The following UBE2F variants were observed in gnomAD, a reference collection of about 807,000 sequenced individuals.
UBE2F encodes NEDD8-conjugating enzyme UBE2F.
UBE2F carries 5 observed loss-of-function variants against 29.6 expected under a neutral mutation model. The observed-to-expected ratio is 0.17, with a 90% CI of 0.09 to 0.36. The LOEUF is 0.36. Among genes scored for constraint, UBE2F ranks in the 10% least tolerant of loss-of-function variants. UBE2F has a pLI of 1.00. For missense variants in UBE2F, 141 were observed against 228.5 expected (o/e 0.62, Z 2.47); for synonymous variants, 66 against 81.8 (o/e 0.81, Z 1.04).
chr2:238,003,459 T>C (rs2106365696), intron 4 of UBE2F: 1 of 468,944 alleles, frequency 2.1e-6, no homozygotes, highest in South Asian at 1.6e-5. Flanking sequence ...TGTTCTCACA[T>C]TGGTCTGTCC....
chr2:238,027,270 G>A (rs145784532), intron 6 of UBE2F, among the ~76,000 whole-genome samples: 2 of 152,358 alleles, frequency 1.3e-5, no homozygotes, highest in African/African-American at 2.4e-5. Flanking sequence ...TCCTTGGTAT[G>A]TAAATAGTCC....
chr2:238,037,468 T>C (rs2064738761), intron 9 of UBE2F, among the ~76,000 whole-genome samples: 1 of 152,266 alleles, frequency 6.6e-6, no homozygotes, highest in African/African-American at 2.4e-5. Context: ...AGGCCATGTG[T>C]GGCTGGCGTC....
At chr2:238,018,184 G>T (rs2064206683) in intron 5 of UBE2F, among the ~76,000 whole-genome samples, 2 of 152,120 alleles carry the variant, frequency 1.3e-5, no homozygotes. Flanking sequence ...GTGGGAGGTG[G>T]TTCCAGAGGC....
intron 6 of UBE2F, 54 bp downstream of exon 6, chr2:238,025,466 T>C (rs1347478120): frequency 3.3e-6 from 5 of 1,495,358 alleles, no homozygotes; most frequent in Admixed American, 1.8e-5. Context: ...TGTGCAAGCG[T>C]TGGGCTTTTA....
At chr2:238,022,542 G>A (rs2064321181) in intron 5 of UBE2F, among the ~76,000 whole-genome samples, 1 of 152,066 alleles carries the variant, frequency 6.6e-6, no homozygotes, top group Admixed American at 6.6e-5. Context: ...TTCACTGCTT[G>A]AGTTTTGTAT....
At chr2:238,034,325 G>C (rs1016051999) in intron 8 of UBE2F, among the ~76,000 whole-genome samples, 2 of 152,002 alleles carry the variant, frequency 1.3e-5, no homozygotes, top group Non-Finnish European at 2.9e-5. Flanking sequence ...CTACTTGGCA[G>C]GCTGAGGCAG....
At chr2:237,990,510 T>G (rs976726433) in intron 3 of UBE2F, 1 of 390,484 alleles carries the variant, frequency 2.6e-6, no homozygotes, top group Non-Finnish European at 5.0e-6. Context: ...TCAAGTGATC[T>G]TCCCACCTCA....
intron 4 of UBE2F, 95 bp from the exon 5 acceptor site, chr2:238,016,471 C>T (rs2064155726): frequency 1.9e-6 from 2 of 1,053,462 alleles, no homozygotes; most frequent in Non-Finnish European, 2.8e-6. Flanking sequence ...TCCTGATTCT[C>T]TGTATTTGCC....
chr2:237,972,961 G>A (rs1371362563), intron 1 of UBE2F, 131 bp from the exon 2 acceptor site: 2 of 920,404 alleles, frequency 2.2e-6, no homozygotes, highest in South Asian at 1.8e-5. Context: ...TCTTATTAAT[G>A]TGTACAAATT....
At chr2:238,025,124 C>T in intron 5 of UBE2F, 1 of 547,620 alleles carries the variant, frequency 1.8e-6, no homozygotes. Context: ...GTAGACTTTG[C>T]TGCTGAGACT....
chr2:237,987,275 T>C (rs2063497653), intron 2 of UBE2F, among the ~76,000 whole-genome samples: 1 of 152,134 alleles, frequency 6.6e-6, no homozygotes, highest in African/African-American at 2.4e-5. Flanking sequence ...GGCAGGGCAG[T>C]CTTTAGGGCT....
intron 7 of UBE2F, among the ~76,000 whole-genome samples, chr2:238,031,115 G>A (rs1238029245): frequency 6.6e-6 from 1 of 152,262 alleles, no homozygotes; most frequent in Non-Finnish European, 1.5e-5. Flanking sequence ...ACTGCAGACT[G>A]CATGCAGTCC....
rs1485072123 is a variant in UBE2F, at chr2:237,967,682, A to T, written c.-17+550A>T. 6.6e-6 allele frequency among the ~76,000 whole-genome samples: 1 copy of T among 152,200 alleles called. No homozygotes were observed. The highest frequency in any genetic ancestry group is 2.1e-4 in the South Asian group (1 of 4,830). ...ACTCGCGCCCGGTCCTCGTACCTGCAGCGGGAAGAGTAAGTATGGACGCTT... is the reference window on the plus strand; with the variant it reads ...ACTCGCGCCCGGTCCTCGTACCTGCTGCGGGAAGAGTAAGTATGGACGCTT... On this transcript the variant is annotated intron_variant, in intron 1 of 9. Coordinates refer to ENST00000272930, the MANE Select transcript of UBE2F (RefSeq NM_080678.3). The surrounding 1 kb of genome is among the most constrained non-coding windows in gnomAD (Gnocchi z 6.3).
intron 1 of UBE2F, chr2:237,968,731 A>G (rs2063111722): frequency 2.1e-6 from 1 of 481,870 alleles, no homozygotes; most frequent in Non-Finnish European, 2.7e-6. Flanking sequence ...GAGGAACCTA[A>G]CTGGGCCAAT....
intron 2 of UBE2F, among the ~76,000 whole-genome samples, chr2:237,986,696 A>G (rs1576598610): frequency 1.3e-5 from 2 of 152,318 alleles, no homozygotes; most frequent in Middle Eastern, 3.4e-3. Context: ...CATGTATGGT[A>G]TAAGATAAGA....
chr2:237,990,552 G>A (rs926046478), intron 3 of UBE2F: 78 of 242,072 alleles, frequency 3.2e-4, no homozygotes, highest in Non-Finnish European at 6.7e-5. Flanking sequence ...TCAGACCTCA[G>A]GTGCATGCTA....
chr2:238,004,857 C>G (rs377702497), intron 4 of UBE2F, among the ~76,000 whole-genome samples: 14 of 152,272 alleles, frequency 9.2e-5, no homozygotes, highest in South Asian at 4.2e-4. Context: ...GCAGGTGAGG[C>G]ACTGGCAGAA....
In UBE2F at chr2:237,996,583, C is replaced by A. The variant is rs575933861; in HGVS notation, c.214+1774C>A. Among the ~76,000 whole-genome samples, 24 of 151,214 alleles carry A rather than the reference C, an allele frequency of 1.6e-4. No individual in the cohort carries two copies. In the South Asian group the frequency reaches 5.1e-3, roughly 32 times the overall value. ...CTTCGCCTTCCGGGTTCAAGTGATT[C>A]TCCTGCCTCAGCCTCCTGAGTAGCT... On this transcript the variant is annotated intron_variant, in intron 4 of 9. Transcript: ENST00000272930.
At chr2:237,995,458 C>G (rs940012982) in intron 4 of UBE2F, among the ~76,000 whole-genome samples, 1 of 152,200 alleles carries the variant, frequency 6.6e-6, no homozygotes, top group African/African-American at 2.4e-5. Flanking sequence ...TCACAACCCA[C>G]TGGTGTTTAT....
Sources: gnomAD v4.1 joint callset for allele counts (sites outside exome capture counted in the v4.1 genomes callset) on GRCh38, gnomAD v4.1.1 for gene constraint, Gnocchi (gnomAD v3.1) non-coding constraint, MANE v1.5 for transcripts, NCBI Gene and HGNC (gene_info 2026-07-23, HGNC 2026-07-21) for gene names.